RBKS: variants seen among roughly 807,000 people sequenced by gnomAD.
RBKS encodes ribokinase.
A neutral mutation model predicts 33.9 loss-of-function variants in RBKS; 33 were observed. The observed-to-expected ratio is 0.97, with a 90% CI of 0.74 to 1.30. The LOEUF is 1.30. RBKS is among the 50% of genes most tolerant of loss of function. The pLI is 0.00. For synonymous variants in RBKS, 125 were observed against 143.0 expected (o/e 0.87, Z 0.90); for missense variants, 361 against 392.6 (o/e 0.92, Z 0.68).
chr2:27,789,104 T>C (rs1337078896), intron 7 of RBKS, among the ~76,000 whole-genome samples: 1 of 152,194 alleles, frequency 6.6e-6, no homozygotes, highest in East Asian at 1.9e-4. Context: ...AGAGAGATAC[T>C]GACATAAGGA....
chr2:27,797,887 G>A (rs1168770859), intron 7 of RBKS, among the ~76,000 whole-genome samples: 1 of 152,176 alleles, frequency 6.6e-6, no homozygotes, highest in Admixed American at 6.5e-5. Flanking sequence ...TGGGAACGGC[G>A]TAGAAGAGTT....
chr2:27,890,153 T>C lies in RBKS; in HGVS notation c.89+104A>G, dbSNP rs1161135976. The C allele has an allele frequency of 9.8e-7, 1 of 1,022,998 alleles. No homozygotes were observed. Among genetic ancestry groups the C allele is most frequent in the Non-Finnish European group, 1.5e-6 (1 of 682,306 alleles). 63.4% of individuals were successfully genotyped at this position (1,022,998 alleles called of 1,614,324 possible). On this transcript the variant is annotated intron_variant, in intron 1 of 7. Coordinates refer to ENST00000302188, the MANE Select transcript of RBKS (RefSeq NM_022128.3). This position sits in a 1 kb window ranked among gnomAD's most constrained non-coding sequence, Gnocchi z 4.8. ...TGCAGCTCATACCCAAAGCTAGCAC[T>C]GTCTATCCCTGGAGACCCAGCGCCC...
intron 7 of RBKS, among the ~76,000 whole-genome samples, chr2:27,806,540 G>C (rs192356345): frequency 7.2e-5 from 11 of 152,128 alleles, no homozygotes; most frequent in African/African-American, 2.7e-4. Context: ...TTGATTTTCC[G>C]GATGAGAAAC....
intron 7 of RBKS, among the ~76,000 whole-genome samples, chr2:27,786,745 C>T (rs1273095052): frequency 6.7e-6 from 1 of 149,094 alleles, no homozygotes; most frequent in East Asian, 2.0e-4. Context: ...CGTGCCACTG[C>T]ACTCTCGCCT....
At chr2:27,866,624 C>T (rs554073298) in intron 1 of RBKS, among the ~76,000 whole-genome samples, 1 of 152,228 alleles carries the variant, frequency 6.6e-6, no homozygotes, top group African/African-American at 2.4e-5. Context: ...ACTAGTTTTT[C>T]AAGTTCACTT....
rs956856743 is a variant in RBKS at position 27,827,672 on chromosome 2, C to T, written c.690G>A (p.Gln230=). ...AALVLLKRGC[Q]VVIITLGAEG... ...CAGCCCCTAAGGTAATGATTACCAC[C>T]TGGCAGCCCCTTTTCAAGAGCACTA... The change falls in exon 7 of 8, where the codon CAG becomes CAA. Residue 230 remains glutamine, a synonymous_variant. Transcript: ENST00000302188. 1.2e-6 allele frequency: 2 copies of T among 1,614,036 alleles called. No homozygotes were observed. Among genetic ancestry groups the T allele is most frequent in the African/African-American group, 2.7e-5 (2 of 75,040 alleles).
chr2:27,868,401 A>T (rs1322294715), intron 1 of RBKS, among the ~76,000 whole-genome samples: 2 of 152,206 alleles, frequency 1.3e-5, no homozygotes, highest in East Asian at 3.9e-4. Flanking sequence ...TATCAAAAAA[A>T]CACATAGCTG....
chr2:27,857,523 G>A (rs1402288472), intron 2 of RBKS, among the ~76,000 whole-genome samples: 1 of 152,200 alleles, frequency 6.6e-6, no homozygotes, highest in Non-Finnish European at 1.5e-5. Flanking sequence ...TTAAGGCCCA[G>A]ATTCTTTTCA....
chr2:27,784,069 C>T (rs1210684549), intron 7 of RBKS, among the ~76,000 whole-genome samples: 3 of 127,938 alleles, frequency 2.3e-5, no homozygotes, highest in African/African-American at 5.9e-5. Flanking sequence ...CTGCAAGCTC[C>T]GCCTCCCGGG....
chr2:27,802,430 T>TTG lies in RBKS; in HGVS notation c.796-20644_796-20643dup, dbSNP rs35820162. Among the ~76,000 whole-genome samples, 528 of 149,096 alleles carry TTG rather than the reference T, an allele frequency of 3.5e-3. 1 individual carries two copies. Among genetic ancestry groups the TTG allele is most frequent in the Admixed American group, 6.9e-3 (103 of 14,934 alleles). On this transcript the variant is annotated intron_variant, in intron 7 of 7. Coordinates refer to ENST00000302188, the MANE Select transcript of RBKS (RefSeq NM_022128.3). ...CCATTGTAGGTCAAGGAACATATGT[T>TTG]TGTGTGTGTGTGTGTGTGTGTGTGT...
chr2:27,813,042 A>T (rs1211057310), intron 7 of RBKS, among the ~76,000 whole-genome samples: 4 of 85,204 alleles, frequency 4.7e-5, no homozygotes, highest in African/African-American at 2.1e-4. Flanking sequence ...AAGCCATTAA[A>T]AAAAAAAAAA....
chr2:27,885,338 T>C (rs1217590291), intron 1 of RBKS, among the ~76,000 whole-genome samples: 3 of 152,220 alleles, frequency 2.0e-5, no homozygotes, highest in African/African-American at 7.2e-5. Context: ...ATGCTATTTA[T>C]TCTCATATAG....
intron 2 of RBKS, among the ~76,000 whole-genome samples, chr2:27,854,930 A>G (rs1663826006): frequency 6.6e-6 from 1 of 152,208 alleles, no homozygotes; most frequent in Non-Finnish European, 1.5e-5. Context: ...CCATTTGGCA[A>G]GATAAAATAA....
chr2:27,834,435 C>T (rs1350595663), intron 5 of RBKS, among the ~76,000 whole-genome samples: 2 of 152,186 alleles, frequency 1.3e-5, no homozygotes, highest in Non-Finnish European at 2.9e-5. Flanking sequence ...TAAAATCTAA[C>T]CTGCTGTACA....
At chr2:27,841,902 G>T (rs192361007) in intron 5 of RBKS, among the ~76,000 whole-genome samples, 1 of 151,876 alleles carries the variant, frequency 6.6e-6, no homozygotes, top group Non-Finnish European at 1.5e-5. Context: ...TATTTATTTT[G>T]ATTTTTTTCA....
At chr2:27,852,459 T>G (rs1210958889) in intron 2 of RBKS, among the ~76,000 whole-genome samples, 6 of 152,148 alleles carry the variant, frequency 3.9e-5, no homozygotes, top group African/African-American at 1.4e-4. Flanking sequence ...CTCTTATCAC[T>G]GGGAGGGATC....
chr2:27,832,943 C>T (rs1181718268), intron 5 of RBKS, among the ~76,000 whole-genome samples, 166 bp from the exon 6 acceptor site: 12 of 152,190 alleles, frequency 7.9e-5, no homozygotes, highest in Non-Finnish European at 1.6e-4. Context: ...TCAATCTTCA[C>T]GACAGCTGGG....
chr2:27,782,308 A>C (rs1233981097), intron 7 of RBKS, among the ~76,000 whole-genome samples: 1 of 152,054 alleles, frequency 6.6e-6, no homozygotes, highest in Admixed American at 6.6e-5. Flanking sequence ...CAGCATCCCA[A>C]GTAGCCAGGA....
intron 1 of RBKS, among the ~76,000 whole-genome samples, chr2:27,861,776 C>T (rs1034217317): frequency 3.3e-5 from 5 of 151,482 alleles, no homozygotes; most frequent in East Asian, 1.9e-4. Flanking sequence ...CTCAGCCTCC[C>T]GAGTAGCTGA....
Sources: gnomAD v4.1 joint callset for allele counts (sites outside exome capture counted in the v4.1 genomes callset) on GRCh38, gnomAD v4.1.1 for gene constraint, Gnocchi (gnomAD v3.1) non-coding constraint, MANE v1.5 for transcripts, NCBI Gene and HGNC (gene_info 2026-07-23, HGNC 2026-07-21) for gene names.